DRC11: variants seen among roughly 807,000 people sequenced by gnomAD.
The protein encoded by DRC11 is dynein regulatory complex subunit 11, also known as IQ and AAA domain-containing protein 1.
At chr2:236,481,385 C>CT in the DRC11 span, among the ~76,000 whole-genome samples, 3 of 152,184 alleles carry the variant, frequency 2.0e-5, no homozygotes, top group African/African-American at 7.2e-5. Flanking sequence ...CATGAGGTGC[C>CT]TGGCAGATTG....
the DRC11 span, among the ~76,000 whole-genome samples, chr2:236,443,229 G>T: frequency 6.6e-6 from 1 of 152,292 alleles, no homozygotes; most frequent in African/African-American, 2.4e-5. The surrounding 1 kb of genome is among the most constrained non-coding windows in gnomAD (Gnocchi z 4.4). Flanking sequence ...GTGCAGGTTT[G>T]TTACGTAGGT....
At chr2:236,377,087 TTC>T in the DRC11 span, 1 of 1,470,378 alleles carries the variant, frequency 6.8e-7, no homozygotes, top group South Asian at 1.1e-5. This position sits in a 1 kb window ranked among gnomAD's most constrained non-coding sequence, Gnocchi z 4.9. Context: ...ACATGTATTA[TTC>T]TCTGTGTACT....
chr2:236,371,681 TTTGA>T, the DRC11 span, among the ~76,000 whole-genome samples: 1 of 152,298 alleles, frequency 6.6e-6, no homozygotes, highest in African/African-American at 2.4e-5. The surrounding 1 kb of genome is among the most constrained non-coding windows in gnomAD (Gnocchi z 5.1). Flanking sequence ...TCACGTCATT[TTTGA>T]TTGTCAGTAG....
chr2:236,466,052 G>C, the DRC11 span, among the ~76,000 whole-genome samples: 1 of 151,896 alleles, frequency 6.6e-6, no homozygotes, highest in Non-Finnish European at 1.5e-5. Flanking sequence ...GAAACATTTG[G>C]AGATAATCTT....
At chr2:236,323,470 C>T in the DRC11 span, among the ~76,000 whole-genome samples, 9 of 152,170 alleles carry the variant, frequency 5.9e-5, no homozygotes, top group Non-Finnish European at 1.0e-4. The surrounding 1 kb of genome is among the most constrained non-coding windows in gnomAD (Gnocchi z 6.4). Context: ...GTGGGGAGTG[C>T]GGAACTGTCC....
chr2:236,310,250 C>T, the DRC11 span, among the ~76,000 whole-genome samples: 1 of 152,158 alleles, frequency 6.6e-6, no homozygotes, highest in African/African-American at 2.4e-5. The surrounding 1 kb of genome is among the most constrained non-coding windows in gnomAD (Gnocchi z 5.5). Context: ...GAGCTGGCTT[C>T]ACCAAGGCCC....
At chr2:236,443,840 T>C in the DRC11 span, among the ~76,000 whole-genome samples, 3 of 152,232 alleles carry the variant, frequency 2.0e-5, no homozygotes, top group Non-Finnish European at 4.4e-5. The surrounding 1 kb of genome is among the most constrained non-coding windows in gnomAD (Gnocchi z 4.4). Context: ...CTCTGCAACC[T>C]TGCCAGCACC....
the DRC11 span, among the ~76,000 whole-genome samples, chr2:236,413,311 G>A: frequency 2.3e-4 from 35 of 152,098 alleles, no homozygotes; most frequent in Admixed American, 1.2e-3. This position sits in a 1 kb window ranked among gnomAD's most constrained non-coding sequence, Gnocchi z 4.0. Flanking sequence ...TGTTCCCTAG[G>A]CTAAGGACTC....
At chr2:236,364,409 A>G in the DRC11 span, among the ~76,000 whole-genome samples, 1 of 149,076 alleles carries the variant, frequency 6.7e-6, no homozygotes, top group African/African-American at 2.5e-5. Flanking sequence ...CTAAGTGTTT[A>G]TTTCCTTGCA....
the DRC11 span, among the ~76,000 whole-genome samples, chr2:236,477,605 T>A: frequency 1.3e-3 from 194 of 152,172 alleles, no homozygotes; most frequent in African/African-American, 4.4e-3. Context: ...ATAGTTTGAG[T>A]AGTATTGGTA....
chr2:236,417,764 T>G, the DRC11 span, among the ~76,000 whole-genome samples: 1 of 151,900 alleles, frequency 6.6e-6, no homozygotes, highest in Non-Finnish European at 1.5e-5. Flanking sequence ...GTGTGTGATG[T>G]TCCCCTCCCT....
chr2:236,497,002 C>T, the DRC11 span, among the ~76,000 whole-genome samples: 3 of 152,194 alleles, frequency 2.0e-5, no homozygotes, highest in Non-Finnish European at 4.4e-5. The surrounding 1 kb of genome is among the most constrained non-coding windows in gnomAD (Gnocchi z 5.1). Flanking sequence ...CAATCCTTGT[C>T]CGTGACAGCA....
At chr2:236,323,374 C>T in the DRC11 span, among the ~76,000 whole-genome samples, 3 of 152,146 alleles carry the variant, frequency 2.0e-5, no homozygotes, top group Non-Finnish European at 4.4e-5. The surrounding 1 kb of genome is among the most constrained non-coding windows in gnomAD (Gnocchi z 6.4). Context: ...AATTGGGGCA[C>T]CTTTGGTAAT....
chr2:236,347,911 T>C, the DRC11 span, among the ~76,000 whole-genome samples: 3 of 151,230 alleles, frequency 2.0e-5, no homozygotes, highest in Non-Finnish European at 4.4e-5. Context: ...TTATTAACTA[T>C]AGCACCTGCC....
the DRC11 span, among the ~76,000 whole-genome samples, chr2:236,427,066 G>C: frequency 6.6e-6 from 1 of 152,254 alleles, no homozygotes; most frequent in Non-Finnish European, 1.5e-5. This position sits in a 1 kb window ranked among gnomAD's most constrained non-coding sequence, Gnocchi z 5.9. Context: ...TTCTGTTAAT[G>C]TGGTATATTA....
the DRC11 span, among the ~76,000 whole-genome samples, chr2:236,376,368 A>G: frequency 6.6e-6 from 1 of 152,218 alleles, no homozygotes; most frequent in Non-Finnish European, 1.5e-5. This position sits in a 1 kb window ranked among gnomAD's most constrained non-coding sequence, Gnocchi z 5.7. Context: ...TGGATGGAGA[A>G]AGACAAGTAT....
At chr2:236,406,485 C>G in the DRC11 span, among the ~76,000 whole-genome samples, 1 of 152,110 alleles carries the variant, frequency 6.6e-6, no homozygotes, top group Non-Finnish European at 1.5e-5. The surrounding 1 kb of genome is among the most constrained non-coding windows in gnomAD (Gnocchi z 4.7). Context: ...TGAAATACAT[C>G]TGTTCTCAGC....
the DRC11 span, chr2:236,419,322 A>G: frequency 6.6e-7 from 1 of 1,506,160 alleles, no homozygotes; most frequent in African/African-American, 1.4e-5. The surrounding 1 kb of genome is among the most constrained non-coding windows in gnomAD (Gnocchi z 4.8). Context: ...CTATCAAGAG[A>G]AGGACTGTTT....
the DRC11 span, among the ~76,000 whole-genome samples, chr2:236,466,308 T>G: frequency 6.6e-6 from 1 of 152,194 alleles, no homozygotes; most frequent in Admixed American, 6.5e-5. Flanking sequence ...ATGTGTTCAC[T>G]TTTCTTCCCA....
Sources: allele counts gnomAD v4.1 joint callset (sites outside exome capture counted in the v4.1 genomes callset), GRCh38; gene constraint gnomAD v4.1.1; non-coding constraint Gnocchi (gnomAD v3.1); transcripts MANE v1.5; gene names NCBI Gene and HGNC (gene_info 2026-07-23, HGNC 2026-07-21).